The following RAB38 variants were observed in gnomAD, a reference collection of about 807,000 sequenced individuals.
RAB38 encodes ras-related protein Rab-38.
RAB38 carries 15 observed loss-of-function variants against 18.4 expected under a neutral mutation model. That is an observed-to-expected ratio of 0.82 (90% confidence interval 0.55 to 1.26). RAB38 has a LOEUF of 1.26. RAB38 is among the 50% of genes most tolerant of loss of function. The pLI, the probability that RAB38 is intolerant of heterozygous loss-of-function variation, is 0.00. For synonymous variants in RAB38, 101 were observed against 104.4 expected, an observed-to-expected ratio of 0.97 and a Z score of 0.20; for missense variants, 294 against 267.4, an observed-to-expected ratio of 1.10 and a Z score of -0.69.
the RAB38 span, among the ~76,000 whole-genome samples, chr11:88,034,123 T>C: frequency 6.6e-6 from 1 of 152,218 alleles, no homozygotes; most frequent in East Asian, 1.9e-4. Flanking sequence ...GTCAATTCAA[T>C]AATGTTACAT....
the RAB38 span, among the ~76,000 whole-genome samples, chr11:87,908,496 C>T: frequency 5.8e-4 from 88 of 152,054 alleles, no homozygotes; most frequent in Non-Finnish European, 1.1e-3. Context: ...TTCAACAGAA[C>T]ACACTGAATT....
chr11:87,829,273 C>T, the RAB38 span, among the ~76,000 whole-genome samples: 1 of 152,152 alleles, frequency 6.6e-6, no homozygotes, highest in Non-Finnish European at 1.5e-5. Flanking sequence ...GTACTCCAAA[C>T]CTTAGCATTA....
At chr11:87,960,193 C>A in the RAB38 span, among the ~76,000 whole-genome samples, 2 of 152,018 alleles carry the variant, frequency 1.3e-5, no homozygotes, top group East Asian at 1.9e-4. Flanking sequence ...ATCAGAACCA[C>A]CTGGAAAGCT....
chr11:87,917,416 C>T, the RAB38 span, among the ~76,000 whole-genome samples: 1 of 150,954 alleles, frequency 6.6e-6, no homozygotes, highest in African/African-American at 2.4e-5. Flanking sequence ...GAAAGCTCAA[C>T]TTATGTTCAA....
chr11:88,047,869 C>T, the RAB38 span, among the ~76,000 whole-genome samples: 1 of 152,328 alleles, frequency 6.6e-6, no homozygotes, highest in East Asian at 1.9e-4. Context: ...CTATCAATCT[C>T]TTCCCACACA....
At chr11:87,970,464 G>T in the RAB38 span, among the ~76,000 whole-genome samples, 3 of 151,812 alleles carry the variant, frequency 2.0e-5, no homozygotes, top group Non-Finnish European at 2.9e-5. Flanking sequence ...TAATTTCTGG[G>T]TTTATTTGTT....
the RAB38 span, among the ~76,000 whole-genome samples, chr11:87,819,182 A>G: frequency 6.6e-6 from 1 of 152,204 alleles, no homozygotes; most frequent in African/African-American, 2.4e-5. Context: ...TTTTAGGACA[A>G]ATGCCTTTTT....
the RAB38 span, among the ~76,000 whole-genome samples, chr11:88,069,109 C>T: frequency 6.6e-6 from 1 of 152,184 alleles, no homozygotes. Context: ...GGCGAGCTCC[C>T]GGTGGGCATG....
At chr11:87,837,912 A>C in the RAB38 span, among the ~76,000 whole-genome samples, 1 of 152,104 alleles carries the variant, frequency 6.6e-6, no homozygotes, top group Non-Finnish European at 1.5e-5. Flanking sequence ...TAAGATTCCA[A>C]ATTATTAGTT....
chr11:88,050,440 C>T, the RAB38 span, among the ~76,000 whole-genome samples: 2 of 152,180 alleles, frequency 1.3e-5, no homozygotes, highest in African/African-American at 4.8e-5. Context: ...ATTTCTGTTT[C>T]TGTCTTTCTC....
At chr11:87,810,808 A>AG in the RAB38 span, among the ~76,000 whole-genome samples, 1 of 152,098 alleles carries the variant, frequency 6.6e-6, no homozygotes, top group Non-Finnish European at 1.5e-5. Context: ...TAGAAGGAAA[A>AG]AAAAAAAAAC....
the RAB38 span, among the ~76,000 whole-genome samples, chr11:88,034,249 A>T: frequency 6.6e-6 from 1 of 152,306 alleles, no homozygotes; most frequent in Middle Eastern, 3.4e-3. Flanking sequence ...TCTGTTAGCC[A>T]TTTGCCCATT....
At chr11:88,167,223 A>C (rs1228459747) in intron 1 of RAB38, 1 of 152,108 alleles carries the variant, frequency 6.6e-6, no homozygotes, top group Non-Finnish European at 1.5e-5. Context: ...TTTTAGCTAG[A>C]GACAACTGTG....
the RAB38 span, among the ~76,000 whole-genome samples, chr11:88,102,487 T>C: frequency 3.3e-5 from 5 of 152,232 alleles, no homozygotes; most frequent in Admixed American, 2.6e-4. Flanking sequence ...ACACAATTTC[T>C]GTTGATTTCA....
chr11:87,881,379 G>A, the RAB38 span, among the ~76,000 whole-genome samples: 1 of 151,840 alleles, frequency 6.6e-6, no homozygotes, highest in African/African-American at 2.4e-5. Context: ...TAATAAAGCA[G>A]TTCTGACTCT....
chr11:87,914,681 G>T, the RAB38 span, among the ~76,000 whole-genome samples: 2 of 152,098 alleles, frequency 1.3e-5, no homozygotes, highest in African/African-American at 4.8e-5. Context: ...CTGAGAAAAA[G>T]GCCCTGACAC....
At position 88,113,830 on chromosome 11, in the gene RAB38, C is replaced by A; in HGVS notation, c.*158G>T. 1 of 804,242 alleles carries A rather than the reference C, an allele frequency of 1.2e-6. No homozygotes were observed. The allele number at this position is 804,242 out of a possible 1,614,324, so 49.8% of individuals were successfully genotyped here. A position where few individuals can be genotyped will look rare whatever the true frequency, so the allele number is the denominator to read the frequency against. ...GATGGTGAGGAAAGCATAGAAAGAA[C>A]ATTTGCTATTTCTCTCTCACTGAAA... On this transcript the variant is annotated 3_prime_UTR_variant, in exon 3 of 3. Coordinates refer to ENST00000243662, the MANE Select transcript of RAB38 (RefSeq NM_022337.3).
the RAB38 span, among the ~76,000 whole-genome samples, chr11:87,974,368 A>C: frequency 2.0e-5 from 3 of 151,724 alleles, no homozygotes; most frequent in Non-Finnish European, 4.4e-5. Context: ...AAAAAAAATC[A>C]TAGGTTGGGC....
At chr11:87,813,499 T>TCACA in the RAB38 span, among the ~76,000 whole-genome samples, 2,449 of 146,926 alleles carry the variant, frequency 0.017, 49 homozygotes, top group African/African-American at 0.053. Context: ...ATCATACACA[T>TCACA]CACACACACA....
Sources: allele counts gnomAD v4.1 joint callset (sites outside exome capture counted in the v4.1 genomes callset), GRCh38; gene constraint gnomAD v4.1.1; transcripts MANE v1.5; gene names NCBI Gene and HGNC (gene_info 2026-07-23, HGNC 2026-07-21).